Variants in NCKAP5 observed in about 807,000 individuals in gnomAD.
NCKAP5 encodes nck-associated protein 5.
Under a neutral mutation model 167.0 loss-of-function variants are expected in NCKAP5, and 92 were observed. That is an observed-to-expected ratio of 0.55 (90% CI 0.47 to 0.66). The LOEUF (loss-of-function observed/expected upper bound fraction) is 0.66, where lower values mean the gene tolerates loss of function less well. Among genes scored for constraint, NCKAP5 ranks in the 30% least tolerant of loss-of-function variants. NCKAP5 has a pLI of 0.00. For synonymous variants in NCKAP5, 891 were observed against 877.4 expected (o/e 1.02, Z -0.27); for missense variants, 2,378 against 2,315.0 (o/e 1.03, Z -0.56).
chr2:132,934,448 C>A (rs1696687881), intron 8 of NCKAP5, among the ~76,000 whole-genome samples: 1 of 152,060 alleles, frequency 6.6e-6, no homozygotes, highest in East Asian at 1.9e-4. Context: ...TGGCGGGTAC[C>A]TGTAATCCCA....
At chr2:133,265,270 G>A (rs1364130635) in intron 4 of NCKAP5, among the ~76,000 whole-genome samples, 1 of 152,150 alleles carries the variant, frequency 6.6e-6, no homozygotes, top group Non-Finnish European at 1.5e-5. Context: ...AAGCCTCAAG[G>A]ATAAGAAGAG....
intron 5 of NCKAP5, among the ~76,000 whole-genome samples, chr2:133,166,312 G>A (rs570566678): frequency 9.9e-5 from 15 of 152,168 alleles, no homozygotes; most frequent in Admixed American, 9.8e-4. Flanking sequence ...TTATAGAGAT[G>A]CAATCATAAT....
At chr2:132,676,424 A>G (rs890925647) in intron 19 of NCKAP5, among the ~76,000 whole-genome samples, 1 of 149,222 alleles carries the variant, frequency 6.7e-6, no homozygotes, top group Non-Finnish European at 1.5e-5. Context: ...GACTTTGCCT[A>G]GGATCAGAAG....
intron 5 of NCKAP5, among the ~76,000 whole-genome samples, chr2:133,190,004 T>C (rs982390630): frequency 1.3e-5 from 2 of 152,220 alleles, no homozygotes; most frequent in Non-Finnish European, 2.9e-5. Context: ...GCAGATGACA[T>C]GATTGTATAT....
At chr2:133,106,185 C>A (rs28613517) in intron 6 of NCKAP5, among the ~76,000 whole-genome samples, 3 of 141,674 alleles carry the variant, frequency 2.1e-5, no homozygotes, top group Non-Finnish European at 4.6e-5. Flanking sequence ...CCCAGCTACT[C>A]GGGAGGCTGA....
chr2:133,370,346 T>C (rs994518409), intron 3 of NCKAP5, among the ~76,000 whole-genome samples: 10 of 152,160 alleles, frequency 6.6e-5, no homozygotes, highest in Non-Finnish European at 1.2e-4. Context: ...AAGAATTGAG[T>C]CTTCATGTAA....
chr2:133,013,262 G>A lies in NCKAP5; in HGVS notation c.342-19023C>T, dbSNP rs35710854. Reference sequence around the variant, plus strand: ...CTTTTTGTCAGCAGGCTGCAGGGCTGCTGGGCTGTTGTGACACTCACAGCA... The same window carrying A: ...CTTTTTGTCAGCAGGCTGCAGGGCTACTGGGCTGTTGTGACACTCACAGCA... On this transcript the variant is annotated intron_variant, in intron 6 of 19. Coordinates refer to ENST00000409261, the MANE Select transcript of NCKAP5 (RefSeq NM_207363.3). 5.3e-3 allele frequency among the ~76,000 whole-genome samples: 806 copies of A among 152,330 alleles called. 7 individuals carry two copies. Among genetic ancestry groups the A allele is most frequent in the African/African-American group, 0.017 (715 of 41,562 alleles).
Position 133,422,705 on chromosome 2 carries a change from G to A in NCKAP5, c.69+94753C>T, listed in dbSNP as rs144974360. Among the ~76,000 whole-genome samples the A allele has an allele frequency of 4.3e-3, 654 of 152,248 alleles. 4 individuals carry two copies. Among genetic ancestry groups the A allele is most frequent in the Middle Eastern group, 0.017 (5 of 294 alleles). ...CCTGACACTTAATGAAGTGTTGATG[G>A]CTCTTTTAAATAATAGAGATAGATA... is the stretch of plus-strand genomic sequence containing the variant. On this transcript the variant is annotated intron_variant, in intron 3 of 19. Coordinates refer to ENST00000409261, the MANE Select transcript of NCKAP5 (RefSeq NM_207363.3).
At chr2:132,708,993 C>T (rs748769267) in intron 19 of NCKAP5, among the ~76,000 whole-genome samples, 2 of 151,960 alleles carry the variant, frequency 1.3e-5, no homozygotes, top group Non-Finnish European at 2.9e-5. Context: ...TCAAGAAGGA[C>T]TTTTTAAAAA....
Position 132,828,639 on chromosome 2 carries a change from G to T in NCKAP5, c.807+31853C>A, listed in dbSNP as rs77998514. ...CAGGTATTTCTTTATAGCAGTGCAA[G>T]AACAGACTAATACAGGCACTTAATG... On this transcript the variant is annotated intron_variant, in intron 11 of 19. Transcript: ENST00000409261. Among the ~76,000 whole-genome samples, 435 of 152,260 alleles carry T rather than the reference G, an allele frequency of 2.9e-3. 4 individuals carry two copies. Among genetic ancestry groups the T allele is most frequent in the Non-Finnish European group, 4.3e-3 (293 of 68,010 alleles).
intron 3 of NCKAP5, among the ~76,000 whole-genome samples, chr2:133,456,944 T>C (rs1056002826): frequency 6.6e-6 from 1 of 152,172 alleles, no homozygotes; most frequent in Admixed American, 6.5e-5. Flanking sequence ...ACAAGATCTT[T>C]GTATTTCCAT....
the NCKAP5 span, among the ~76,000 whole-genome samples, chr2:133,670,465 C>A: frequency 6.6e-6 from 1 of 152,076 alleles, no homozygotes. Flanking sequence ...ACATGAATCT[C>A]CCTTGTGTGT....
intron 8 of NCKAP5, among the ~76,000 whole-genome samples, chr2:132,958,485 C>T (rs999475429): frequency 1.3e-5 from 2 of 152,160 alleles, no homozygotes; most frequent in Non-Finnish European, 1.5e-5. Context: ...TTGCTTCTTC[C>T]CAGTTTAAAA....
At chr2:132,804,661 A>G (rs554741202) in intron 11 of NCKAP5, among the ~76,000 whole-genome samples, 13 of 152,268 alleles carry the variant, frequency 8.5e-5, no homozygotes, top group African/African-American at 2.4e-4. Context: ...GGAAGAAATG[A>G]ATTACCACTT....
chr2:132,792,498 G>A lies in NCKAP5; in HGVS notation c.910-2293C>T, dbSNP rs138951738. Among the ~76,000 whole-genome samples the A allele has an allele frequency of 1.3e-4, 20 of 152,268 alleles. 1 individual carries two copies. In the East Asian group the frequency reaches 3.9e-3, roughly 29 times the overall value. Reference sequence around the variant, plus strand: ...CAAACTTTCAGAAATATCTCATCAGGCTTCACTTCTACTGTGTGCTTTCTG... The same window carrying A: ...CAAACTTTCAGAAATATCTCATCAGACTTCACTTCTACTGTGTGCTTTCTG... On this transcript the variant is annotated intron_variant, in intron 12 of 19. Transcript: ENST00000409261.
chr2:133,595,415 C>G, the NCKAP5 span, among the ~76,000 whole-genome samples: 45 of 151,860 alleles, frequency 3.0e-4, no homozygotes, highest in African/African-American at 1.1e-3. Context: ...TGTTCCTCCT[C>G]CTCCCCACCT....
chr2:133,180,018 C>G (rs963028638), intron 5 of NCKAP5, among the ~76,000 whole-genome samples: 1 of 152,174 alleles, frequency 6.6e-6, no homozygotes, highest in Non-Finnish European at 1.5e-5. Flanking sequence ...CCAGCGAACT[C>G]TGTGCCAAGA....
At chr2:132,707,145 C>G (rs537445242) in intron 19 of NCKAP5, among the ~76,000 whole-genome samples, 32 of 152,340 alleles carry the variant, frequency 2.1e-4, no homozygotes, top group Admixed American at 1.1e-3. Context: ...CTTGAATCAC[C>G]AACACCACTC....
chr2:132,890,219 C>A (rs1488388711), intron 8 of NCKAP5, among the ~76,000 whole-genome samples: 1 of 152,098 alleles, frequency 6.6e-6, no homozygotes, highest in Non-Finnish European at 1.5e-5. Context: ...TTTTTCCAGC[C>A]AAAAATGTGC....
Sources: gnomAD v4.1 joint callset for allele counts (sites outside exome capture counted in the v4.1 genomes callset) on GRCh38, gnomAD v4.1.1 for gene constraint, MANE v1.5 for transcripts, NCBI Gene and HGNC (gene_info 2026-07-23, HGNC 2026-07-21) for gene names.